The following DYSF variants were observed in gnomAD, a reference collection of about 807,000 sequenced individuals.
DYSF encodes dysferlin.
A neutral mutation model predicts 274.9 loss-of-function variants in DYSF; 212 were observed. The ratio of observed to expected loss-of-function variants is 0.77; its 90% CI spans 0.69 to 0.86. DYSF has a LOEUF of 0.86. DYSF is among the 40% of genes least tolerant of loss of function. DYSF has a pLI of 0.00. For missense variants in DYSF, 2,666 were observed against 2,783.2 expected, an observed-to-expected ratio of 0.96 and a Z score of 0.95; for synonymous variants, 1,091 against 1,078.7, an observed-to-expected ratio of 1.01 and a Z score of -0.22.
intron 51 of DYSF, among the ~76,000 whole-genome samples, chr2:71,670,549 C>T (rs750391586): frequency 1.1e-4 from 16 of 152,228 alleles, no homozygotes; most frequent in Admixed American, 3.9e-4. Context: ...CCTCCTCTCT[C>T]CACTCCCACC....
chr2:71,509,932 C>T (rs74737713), intron 4 of DYSF, among the ~76,000 whole-genome samples: 6,067 of 152,160 alleles, frequency 0.04, 156 homozygotes, highest in Admixed American at 0.041. Flanking sequence ...CATGCCACCA[C>T]GCCTGGCTAA....
chr2:71,674,302 C>T lies in DYSF; in HGVS notation c.5884+6C>T, dbSNP rs144355449. On this transcript the variant is annotated splice_donor_region_variant and intron_variant, in intron 52 of 55. Coordinates refer to ENST00000410020, the MANE Select transcript of DYSF (RefSeq NM_001130987.2). ...CTCCTTTGATGATTTTCTGGGTAAG[C>T]GCTATTGCTAGAATCCCATTCTGCA... 1.9e-4 allele frequency: 311 copies of T among 1,613,752 alleles called. No individual in the cohort carries two copies. The East Asian group carries it at 4.8e-3, about 25-fold the overall frequency.
chr2:71,564,742 G>A (rs1375876244), intron 24 of DYSF, among the ~76,000 whole-genome samples: 4 of 152,182 alleles, frequency 2.6e-5, no homozygotes, highest in African/African-American at 9.7e-5. Context: ...TCTGTCCCCT[G>A]GTCTCACCAG....
At chr2:71,555,871 G>T in intron 21 of DYSF, 94 bp from the exon 22 acceptor site, 1 of 949,894 alleles carries the variant, frequency 1.1e-6, no homozygotes, top group Non-Finnish European at 1.7e-6. Flanking sequence ...ACTCCTTTTT[G>T]GTTCAGTAGC....
At chr2:71,516,101 TG>T (rs2086620485) in intron 8 of DYSF, 78 bp from the exon 9 acceptor site, 2 of 1,392,964 alleles carry the variant, frequency 1.4e-6, no homozygotes, top group African/African-American at 2.8e-5. Flanking sequence ...CGTGGAGGCT[TG>T]GGGGTGGTGG....
chr2:71,473,406 A>G (rs1451573356), intron 1 of DYSF, among the ~76,000 whole-genome samples: 2 of 152,216 alleles, frequency 1.3e-5, no homozygotes, highest in African/African-American at 4.8e-5. Flanking sequence ...GTAAGCCCTC[A>G]ATAAATATCT....
intron 3 of DYSF, among the ~76,000 whole-genome samples, chr2:71,482,961 G>C (rs1250402477): frequency 6.6e-6 from 1 of 152,212 alleles, no homozygotes; most frequent in South Asian, 2.1e-4. Context: ...AAGCCTGGCT[G>C]TGTTGCCCTG....
chr2:71,520,110 A>T, intron 10 of DYSF, 68 bp from the exon 11 acceptor site: 1 of 1,589,500 alleles, frequency 6.3e-7, no homozygotes. Flanking sequence ...GAATCATATA[A>T]TGCACCACAC....
intron 10 of DYSF, among the ~76,000 whole-genome samples, 153 bp downstream of exon 10, chr2:71,517,192 A>G (rs2086750143): frequency 6.6e-6 from 1 of 152,224 alleles, no homozygotes; most frequent in Non-Finnish European, 1.5e-5. Flanking sequence ...TCTGCACAGC[A>G]TCTCCTTTCA....
At chr2:71,475,317 C>T (rs535065521) in intron 1 of DYSF, among the ~76,000 whole-genome samples, 1 of 152,326 alleles carries the variant, frequency 6.6e-6, no homozygotes, top group African/African-American at 2.4e-5. Flanking sequence ...AAGAAAAGGA[C>T]CCATTCATTC....
chr2:71,581,056 T>C (rs931663170), intron 30 of DYSF, among the ~76,000 whole-genome samples: 9 of 152,164 alleles, frequency 5.9e-5, no homozygotes, highest in African/African-American at 2.2e-4. Flanking sequence ...ATAATCACAC[T>C]GGAAAAGCAG....
intron 29 of DYSF, among the ~76,000 whole-genome samples, chr2:71,572,012 TCAGCACACAC>T (rs2092506424): frequency 1.5e-5 from 1 of 67,820 alleles, no homozygotes; most frequent in African/African-American, 6.5e-5. Flanking sequence ...CAGATCACAC[TCAGCACACAC>T]ACATTACACC....
rs189770146 is a variant in DYSF at position 71,593,162 on chromosome 2, C to T, written c.3574+2874C>T. 1.6e-3 allele frequency among the ~76,000 whole-genome samples: 161 copies of T among 99,866 alleles called. 1 individual carries two copies. The highest frequency in any genetic ancestry group is 5.9e-3 in the African/African-American group (153 of 26,098). The allele number at this position is 99,866 out of a possible 152,430, so 65.5% of individuals were successfully genotyped here. ...TTTTTTTTTTTTTGAGACAGAGTTTCGCTCTTGTTGCCTAGGCTGGAGTGC... is the reference window on the plus strand; with the variant it reads ...TTTTTTTTTTTTTGAGACAGAGTTTTGCTCTTGTTGCCTAGGCTGGAGTGC... On this transcript the variant is annotated intron_variant, in intron 32 of 55. Transcript: ENST00000410020.
intron 4 of DYSF, among the ~76,000 whole-genome samples, chr2:71,505,453 G>A (rs1039024945): frequency 3.3e-5 from 5 of 152,236 alleles, no homozygotes; most frequent in African/African-American, 1.2e-4. Flanking sequence ...TGATACGAGT[G>A]AACACAGAGC....
chr2:71,489,215 T>C (rs949404823), intron 3 of DYSF, among the ~76,000 whole-genome samples: 3 of 152,208 alleles, frequency 2.0e-5, no homozygotes, highest in African/African-American at 7.2e-5. Flanking sequence ...TGCTTCCTTC[T>C]GCTGCCCCCA....
chr2:71,465,430 A>C (rs539833981), upstream of DYSF, among the ~76,000 whole-genome samples: 4 of 152,100 alleles, frequency 2.6e-5, no homozygotes, highest in African/African-American at 9.7e-5. Context: ...GGGGTGTCCT[A>C]GGGGCATCCG....
chr2:71,491,941 A>G (rs993090477), intron 3 of DYSF, among the ~76,000 whole-genome samples: 3 of 152,224 alleles, frequency 2.0e-5, no homozygotes, highest in African/African-American at 7.2e-5. Context: ...GAAAAGGCAT[A>G]GGCTTGGCCT....
At chr2:71,509,334 T>C (rs995435593) in intron 4 of DYSF, among the ~76,000 whole-genome samples, 1 of 151,958 alleles carries the variant, frequency 6.6e-6, no homozygotes, top group South Asian at 2.1e-4. Context: ...GGCTAATTTT[T>C]TGTTTTTTGT....
At position 71,598,667 on chromosome 2, in the gene DYSF, C is replaced by G. The variant is rs148858485; in HGVS notation, c.3678C>G (p.Ile1226Met). The G allele has an allele frequency of 8.0e-4, 1,295 of 1,614,106 alleles. 1 individual carries two copies. Among genetic ancestry groups the G allele is most frequent in the Non-Finnish European group, 8.8e-4 (1,038 of 1,180,042 alleles). Residue 1226 changes from isoleucine (I) to methionine (M), a missense_variant, in exon 33 of 56, where the codon ATC (isoleucine) becomes ATG (methionine). Ile to Met is a conservative substitution (Grantham distance 10). Around this residue, in one of 3 missense-constraint regions of DYSF, gnomAD observed 1,460 missense variants for 1,502.1 expected, o/e 0.97. Coordinates refer to ENST00000410020, the MANE Select transcript of DYSF (RefSeq NM_001130987.2). ...ACCAGACGCTCATCTTCTACGAGAT[C>G]GAGATCTTTGGCGAGCCGGCCACAG... ...TWDQTLIFYE[I>M]EIFGEPATVA...
Sources: gnomAD v4.1 joint callset for allele counts (sites outside exome capture counted in the v4.1 genomes callset) on GRCh38, gnomAD v4.1.1 for gene constraint, gnomAD v4.1.1 regional missense constraint, MANE v1.5 for transcripts, NCBI Gene and HGNC (gene_info 2026-07-23, HGNC 2026-07-21) for gene names.